TMEM71: variants seen among roughly 807,000 people sequenced by gnomAD.
The protein encoded by TMEM71 is transmembrane protein 71.
Under a neutral mutation model 38.0 loss-of-function variants are expected in TMEM71, and 44 were observed. The ratio of observed to expected loss-of-function variants is 1.16; its 90% CI spans 0.91 to 1.49. The LOEUF is 1.49. Ranked by LOEUF, TMEM71 falls within the 40% of genes most tolerant of loss-of-function variation. The pLI is 0.00. For synonymous variants in TMEM71, 133 were observed against 122.5 expected (o/e 1.09, Z -0.56); for missense variants, 367 against 348.6 (o/e 1.05, Z -0.42).
chr8:132,707,602 C>T (rs1388300786), downstream of TMEM71, among the ~76,000 whole-genome samples: 2 of 152,198 alleles, frequency 1.3e-5, no homozygotes, highest in East Asian at 3.9e-4. Context: ...CTCTCATCTT[C>T]TCACCTTCAG....
chr8:132,759,096 A>G (rs1436464082), intron 1 of TMEM71, among the ~76,000 whole-genome samples, 181 bp from the exon 2 acceptor site: 1 of 152,192 alleles, frequency 6.6e-6, no homozygotes, highest in East Asian at 1.9e-4. Flanking sequence ...GTCTGCCTCT[A>G]TGACTGAACA....
At chr8:132,756,589 T>A (rs572560560) in intron 3 of TMEM71, among the ~76,000 whole-genome samples, 2 of 149,838 alleles carry the variant, frequency 1.3e-5, no homozygotes, top group Admixed American at 1.3e-4. Context: ...AATAATAATA[T>A]AATAATAATT....
the TMEM71 span, among the ~76,000 whole-genome samples, chr8:132,771,082 T>C: frequency 1.3e-5 from 2 of 152,236 alleles, no homozygotes; most frequent in Non-Finnish European, 2.9e-5. Flanking sequence ...CCATCCTTTG[T>C]CCTAAATCAG....
intron 5 of TMEM71, among the ~76,000 whole-genome samples, chr8:132,743,841 G>T (rs1035848002): frequency 2.0e-5 from 3 of 152,062 alleles, no homozygotes; most frequent in East Asian, 1.9e-4. Context: ...CACCAAGCAC[G>T]TCTACTCACT....
At chr8:132,761,492 G>A (rs931609701), upstream of TMEM71, among the ~76,000 whole-genome samples, 2 of 152,212 alleles carry the variant, frequency 1.3e-5, no homozygotes, top group South Asian at 2.1e-4. Flanking sequence ...CAGTTGGTCC[G>A]GCTGGCGGAA....
At chr8:132,775,688 C>A in the TMEM71 span, 1 of 324,414 alleles carries the variant, frequency 3.1e-6, no homozygotes, top group Non-Finnish European at 5.6e-6. Context: ...GCCTGGCCCC[C>A]GCCGGGCCGC....
At chr8:132,726,658 C>A (rs1827158941) in intron 6 of TMEM71, among the ~76,000 whole-genome samples, 1 of 152,166 alleles carries the variant, frequency 6.6e-6, no homozygotes, top group South Asian at 2.1e-4. Flanking sequence ...TGGGCTCTTT[C>A]ACCTTGGTGC....
intron 5 of TMEM71, 42 bp downstream of exon 5, chr8:132,746,900 T>G: frequency 3.3e-6 from 5 of 1,509,086 alleles, no homozygotes; most frequent in South Asian, 1.4e-5. Flanking sequence ...ACTGCCCACT[T>G]GGAGATAAAA....
intron 5 of TMEM71, among the ~76,000 whole-genome samples, chr8:132,746,438 T>TACACAC (rs1828370891): frequency 6.2e-5 from 1 of 16,130 alleles, no homozygotes; most frequent in Admixed American, 1.1e-3. Context: ...CATATATATA[T>TACACAC]ACATATACAT....
intron 2 of TMEM71, chr8:132,758,619 G>A (rs925049118): frequency 1.4e-5 from 7 of 489,120 alleles, no homozygotes; most frequent in South Asian, 2.8e-5. Context: ...AAAAAAAAAC[G>A]GTGATTTTTT....
At chr8:132,707,071 T>G (rs765523828), downstream of TMEM71, among the ~76,000 whole-genome samples, 1 of 152,140 alleles carries the variant, frequency 6.6e-6, no homozygotes, top group Non-Finnish European at 1.5e-5. Flanking sequence ...TGGAGTAAAG[T>G]CTACAAGACA....
chr8:132,726,437 A>G (rs550307003), intron 6 of TMEM71, among the ~76,000 whole-genome samples: 1 of 152,346 alleles, frequency 6.6e-6, no homozygotes, highest in East Asian at 1.9e-4. Flanking sequence ...ATGTTATGTA[A>G]CAATAACTTC....
the TMEM71 span, among the ~76,000 whole-genome samples, chr8:132,770,557 G>A: frequency 6.6e-6 from 1 of 152,192 alleles, no homozygotes; most frequent in Non-Finnish European, 1.5e-5. Context: ...ATGCTGTAAT[G>A]TCTTAAGCTG....
intron 5 of TMEM71, among the ~76,000 whole-genome samples, chr8:132,735,663 G>A (rs968986420): frequency 6.6e-6 from 1 of 152,122 alleles, no homozygotes; most frequent in Non-Finnish European, 1.5e-5. Context: ...GCATTGCTGT[G>A]GTCCAATCCC....
At chr8:132,763,960 C>T (rs1170491954), upstream of TMEM71, among the ~76,000 whole-genome samples, 2 of 152,194 alleles carry the variant, frequency 1.3e-5, no homozygotes, top group Non-Finnish European at 2.9e-5. Context: ...TGTCTGCATG[C>T]TTCCTTAAAT....
chr8:132,706,298 C>A (rs1308681166), downstream of TMEM71, among the ~76,000 whole-genome samples: 1 of 152,080 alleles, frequency 6.6e-6, no homozygotes, highest in African/African-American at 2.4e-5. Flanking sequence ...TCAGTATTGG[C>A]CCCATGGTCT....
At chr8:132,745,419 G>T (rs2467969) in intron 5 of TMEM71, among the ~76,000 whole-genome samples, 45,391 of 152,000 alleles carry the variant, frequency 0.3, 6,957 homozygotes, top group Non-Finnish European at 0.33. Flanking sequence ...ACAAATGTAT[G>T]AAAAAATGTT....
intron 7 of TMEM71, among the ~76,000 whole-genome samples, chr8:132,720,424 C>T (rs10089392): frequency 0.022 from 3,404 of 152,292 alleles, 135 homozygotes; most frequent in African/African-American, 0.078. Flanking sequence ...TAAAGCTAGA[C>T]GTGTTCCTTC....
upstream of TMEM71, among the ~76,000 whole-genome samples, chr8:132,764,060 A>G (rs1382084981): frequency 6.6e-6 from 1 of 152,050 alleles, no homozygotes. Flanking sequence ...CTTCCACCCA[A>G]TCACTCATGC....
Sources: gnomAD v4.1 joint callset for allele counts (sites outside exome capture counted in the v4.1 genomes callset) on GRCh38, gnomAD v4.1.1 for gene constraint, MANE v1.5 for transcripts, NCBI Gene and HGNC (gene_info 2026-07-23, HGNC 2026-07-21) for gene names.